SPAG16: variants seen among roughly 807,000 people sequenced by gnomAD.
SPAG16 encodes the protein sperm associated antigen 16, also known as sperm-associated antigen 16 protein.
A neutral mutation model predicts 80.4 loss-of-function variants in SPAG16; 86 were observed. The observed-to-expected ratio is 1.07, with a 90% CI of 0.90 to 1.28. The LOEUF is 1.28. Ranked by LOEUF, SPAG16 falls within the 50% of genes most tolerant of loss-of-function variation. The probability of loss-of-function intolerance (pLI) is 0.00; values close to 1 mark genes in which losing one functional copy is unlikely to be tolerated. For synonymous variants in SPAG16, 294 were observed against 265.9 expected, an observed-to-expected ratio of 1.11 and a Z score of -1.03; for missense variants, 870 against 765.3, an observed-to-expected ratio of 1.14 and a Z score of -1.61.
chr2:213,641,356 T>C (rs570160025), intron 10 of SPAG16, among the ~76,000 whole-genome samples: 2 of 152,332 alleles, frequency 1.3e-5, no homozygotes, highest in East Asian at 3.9e-4. Context: ...CAAGACTCCC[T>C]GCTGAGAAAG....
chr2:213,722,998 TG>T (rs1236235898), intron 10 of SPAG16, among the ~76,000 whole-genome samples: 1 of 152,126 alleles, frequency 6.6e-6, no homozygotes, highest in Non-Finnish European at 1.5e-5. Flanking sequence ...ACCAAAATGT[TG>T]GGGATTAAGT....
chr2:213,861,138 A>T (rs1383820494), intron 10 of SPAG16, among the ~76,000 whole-genome samples: 1 of 152,180 alleles, frequency 6.6e-6, no homozygotes, highest in Admixed American at 6.5e-5. Flanking sequence ...CTGGAGAAAA[A>T]TGAAACAATG....
intron 13 of SPAG16, among the ~76,000 whole-genome samples, chr2:214,104,773 A>AG (rs2053289958): frequency 6.6e-6 from 1 of 152,114 alleles, no homozygotes; most frequent in Non-Finnish European, 1.5e-5. Flanking sequence ...AGCAGGAAAG[A>AG]GGGGACTCAC....
chr2:213,534,861 CG>C (rs1365831153), intron 10 of SPAG16, among the ~76,000 whole-genome samples: 5 of 151,954 alleles, frequency 3.3e-5, no homozygotes, highest in Non-Finnish European at 5.9e-5. Flanking sequence ...AGAATGTGAC[CG>C]AATTTGGAGA....
At chr2:213,633,166 G>A (rs1277211103) in intron 10 of SPAG16, among the ~76,000 whole-genome samples, 1 of 152,108 alleles carries the variant, frequency 6.6e-6, no homozygotes, top group Non-Finnish European at 1.5e-5. Flanking sequence ...GGTCAGTTCA[G>A]GTTTTGGATT....
At position 213,702,335 on chromosome 2, in the gene SPAG16, C is replaced by G. The variant is rs529476453; in HGVS notation, c.1071-160150C>G. ...CAACCCGCTTGGGTCTCTTTTCATG[C>G]TGTGGAAGGTTTGTTCTTTCACTTT... On this transcript the variant is annotated intron_variant, in intron 10 of 15. Transcript: ENST00000331683. 5.3e-5 allele frequency among the ~76,000 whole-genome samples: 8 copies of G among 152,336 alleles called. 1 individual carries two copies. In the South Asian group the frequency reaches 1.5e-3, roughly 28 times the overall value.
chr2:213,886,137 G>A (rs1273179077), intron 11 of SPAG16, among the ~76,000 whole-genome samples: 1 of 152,052 alleles, frequency 6.6e-6, no homozygotes, highest in African/African-American at 2.4e-5. Flanking sequence ...TTCTGGGTAT[G>A]GTAGAAGATT....
intron 4 of SPAG16, among the ~76,000 whole-genome samples, chr2:213,313,646 G>A (rs900097179): frequency 2.0e-5 from 3 of 151,678 alleles, no homozygotes; most frequent in African/African-American, 7.3e-5. Flanking sequence ...ATTAATAAAG[G>A]TGCCTTTTGG....
chr2:214,175,289 A>G (rs1018474367), intron 15 of SPAG16, among the ~76,000 whole-genome samples: 37 of 69,354 alleles, frequency 5.3e-4, no homozygotes, highest in Admixed American at 3.2e-3. Context: ...AGAAATGTGT[A>G]TATATATAAA....
At chr2:213,510,635 C>T (rs2075188508) in intron 10 of SPAG16, among the ~76,000 whole-genome samples, 1 of 152,156 alleles carries the variant, frequency 6.6e-6, no homozygotes. Context: ...TCGCGTTACA[C>T]TGCCTACACT....
intron 15 of SPAG16, among the ~76,000 whole-genome samples, chr2:214,242,317 G>A (rs1364436352): frequency 6.6e-6 from 1 of 152,114 alleles, no homozygotes. Flanking sequence ...TGGACTATCG[G>A]TGTCACAAGA....
chr2:213,359,163 C>A (rs564600303), intron 7 of SPAG16, among the ~76,000 whole-genome samples: 4 of 152,226 alleles, frequency 2.6e-5, no homozygotes, highest in Admixed American at 6.5e-5. Flanking sequence ...CCCAGAGGGG[C>A]ACCTGCCTAT....
At chr2:214,308,239 G>A (rs1695052257) in intron 15 of SPAG16, among the ~76,000 whole-genome samples, 1 of 151,992 alleles carries the variant, frequency 6.6e-6, no homozygotes, top group African/African-American at 2.4e-5. Flanking sequence ...CCATTTTCTT[G>A]GTAGGTTTTT....
chr2:214,037,834 CCTTTG>C (rs1411292946), intron 13 of SPAG16, among the ~76,000 whole-genome samples: 2 of 145,466 alleles, frequency 1.4e-5, no homozygotes, highest in Admixed American at 1.4e-4. Flanking sequence ...ACCAATATTG[CCTTTG>C]CTCTGTTATT....
intron 15 of SPAG16, among the ~76,000 whole-genome samples, chr2:214,302,327 T>G (rs1694608925): frequency 6.6e-6 from 1 of 152,174 alleles, no homozygotes; most frequent in African/African-American, 2.4e-5. Context: ...AGTCCAAAGT[T>G]TCTTTGTTGA....
chr2:213,861,003 A>T (rs1315534109), intron 10 of SPAG16, among the ~76,000 whole-genome samples: 2 of 152,320 alleles, frequency 1.3e-5, no homozygotes, highest in Admixed American at 1.3e-4. Context: ...TGTATCTTCT[A>T]TCCGGTTTGA....
At chr2:213,317,030 G>GT (rs774415053) in intron 4 of SPAG16, among the ~76,000 whole-genome samples, 189 bp from the exon 5 acceptor site, 27 of 151,960 alleles carry the variant, frequency 1.8e-4, no homozygotes, top group Non-Finnish European at 3.8e-4. Context: ...CACCATGATG[G>GT]TATTGGTACC....
chr2:213,472,390 G>A (rs898140514), intron 9 of SPAG16, among the ~76,000 whole-genome samples: 3 of 152,074 alleles, frequency 2.0e-5, no homozygotes, highest in Admixed American at 2.0e-4. Flanking sequence ...GATAATCGAC[G>A]ATCATTCTCC....
intron 15 of SPAG16, among the ~76,000 whole-genome samples, chr2:214,290,069 C>T (rs1018531779): frequency 2.0e-5 from 3 of 151,862 alleles, no homozygotes; most frequent in Non-Finnish European, 4.4e-5. Flanking sequence ...GCTGGGAGAC[C>T]TTTCGTTACT....
Sources: allele counts gnomAD v4.1 joint callset (sites outside exome capture counted in the v4.1 genomes callset), GRCh38; gene constraint gnomAD v4.1.1; transcripts MANE v1.5; gene names NCBI Gene and HGNC (gene_info 2026-07-23, HGNC 2026-07-21).